The following SNX13 variants were observed in gnomAD, a reference collection of about 807,000 sequenced individuals.
SNX13 encodes the protein sorting nexin-13.
SNX13 carries 45 observed loss-of-function variants against 133.6 expected under a neutral mutation model. The observed-to-expected ratio is 0.34, with a 90% CI of 0.27 to 0.43. The LOEUF (loss-of-function observed/expected upper bound fraction) is 0.43. SNX13 is among the 20% of genes least tolerant of loss of function. The pLI is 1.00. For synonymous variants in SNX13, 414 were observed against 373.9 expected (o/e 1.11, Z -1.24); for missense variants, 1,032 against 1,145.1 (o/e 0.90, Z 1.43).
At chr7:17,850,598 G>C (rs1791090300) in intron 10 of SNX13, among the ~76,000 whole-genome samples, 163 bp from the exon 11 acceptor site, 1 of 152,066 alleles carries the variant, frequency 6.6e-6, no homozygotes, top group South Asian at 2.1e-4. Context: ...TTAATTAAAA[G>C]TAAACCATGC....
At chr7:17,916,260 G>T (rs749434188) in intron 1 of SNX13, among the ~76,000 whole-genome samples, 4 of 151,948 alleles carry the variant, frequency 2.6e-5, no homozygotes, top group African/African-American at 9.7e-5. Flanking sequence ...CTCCAAAAAC[G>T]AGCAGAAGAA....
chr7:17,846,931 C>A (rs1187433981), intron 11 of SNX13, among the ~76,000 whole-genome samples: 1 of 152,088 alleles, frequency 6.6e-6, no homozygotes, highest in East Asian at 1.9e-4. Context: ...ACTGCAAATC[C>A]GTGGGGATTC....
At chr7:17,832,081 A>C in intron 15 of SNX13, 1 of 982,660 alleles carries the variant, frequency 1.0e-6, no homozygotes, top group Non-Finnish European at 1.2e-6. Flanking sequence ...ATAAGTATAT[A>C]ATCTCAAACT....
At chr7:17,881,186 A>G (rs1795294396) in intron 5 of SNX13, 1 of 152,052 alleles carries the variant, frequency 6.6e-6, no homozygotes, top group East Asian at 1.9e-4. Flanking sequence ...AGAATGGTAG[A>G]GTATACTATA....
At chr7:17,814,706 G>A (rs942619649) in intron 20 of SNX13, 128 bp downstream of exon 20, 1 of 698,156 alleles carries the variant, frequency 1.4e-6, no homozygotes, top group African/African-American at 1.9e-5. Flanking sequence ...TGATAAACAT[G>A]CCGAGAACTT....
At chr7:17,907,183 T>C (rs376551735) in intron 1 of SNX13, 9 of 152,178 alleles carry the variant, frequency 5.9e-5, no homozygotes, top group African/African-American at 1.9e-4. Context: ...CAATGATTGA[T>C]TCACTGCCAG....
chr7:17,814,071 G>C (rs1032311340), intron 20 of SNX13, among the ~76,000 whole-genome samples: 1 of 152,124 alleles, frequency 6.6e-6, no homozygotes, highest in African/African-American at 2.4e-5. Flanking sequence ...AATAATACCA[G>C]CTTCCCCCAC....
intron 20 of SNX13, among the ~76,000 whole-genome samples, chr7:17,804,584 T>C (rs1428139201): frequency 6.6e-6 from 1 of 151,902 alleles, no homozygotes; most frequent in Admixed American, 6.6e-5. Context: ...AAAAATGGTA[T>C]AAAATTAAAA....
At chr7:17,911,237 C>G (rs143550350) in intron 1 of SNX13, among the ~76,000 whole-genome samples, 2 of 152,240 alleles carry the variant, frequency 1.3e-5, no homozygotes, top group African/African-American at 4.8e-5. Context: ...GTATCTGTAG[C>G]ACTGAATTTA....
chr7:17,892,816 A>G (rs1796770413), intron 3 of SNX13, among the ~76,000 whole-genome samples: 2 of 152,182 alleles, frequency 1.3e-5, no homozygotes, highest in African/African-American at 4.8e-5. Context: ...TGAAACTTAC[A>G]CAATTCCAAT....
intron 20 of SNX13, among the ~76,000 whole-genome samples, chr7:17,809,462 C>T (rs1350897235): frequency 1.3e-5 from 2 of 152,004 alleles, no homozygotes; most frequent in Non-Finnish European, 2.9e-5. Context: ...TACAGGAGCA[C>T]CCAGTTTCAT....
At chr7:17,926,635 C>T (rs1376446491) in intron 1 of SNX13, among the ~76,000 whole-genome samples, 1 of 152,114 alleles carries the variant, frequency 6.6e-6, no homozygotes, top group Non-Finnish European at 1.5e-5. Flanking sequence ...CCTGTAAATC[C>T]ATCACTTTGG....
At chr7:17,890,550 TA>T in intron 4 of SNX13, 66 bp from the exon 5 acceptor site, 2 of 1,246,344 alleles carry the variant, frequency 1.6e-6, no homozygotes, top group Non-Finnish European at 1.1e-6. Flanking sequence ...AGTGGTAAAC[TA>T]AAAAAGTATG....
At chr7:17,813,670 T>C (rs973733959) in intron 20 of SNX13, among the ~76,000 whole-genome samples, 6 of 151,716 alleles carry the variant, frequency 4.0e-5, no homozygotes, top group African/African-American at 1.5e-4. Flanking sequence ...CACTGAAGCC[T>C]TGGCCTCCCA....
chr7:17,831,762 A>G, intron 15 of SNX13: 2 of 984,048 alleles, frequency 2.0e-6, no homozygotes, highest in Non-Finnish European at 2.4e-6. Flanking sequence ...CTTAATTTTA[A>G]AAGTCAGAAA....
intron 15 of SNX13, chr7:17,831,157 T>G: frequency 1.0e-6 from 1 of 984,366 alleles, no homozygotes; most frequent in Non-Finnish European, 1.2e-6. Flanking sequence ...AAATAGGGCA[T>G]AGTTTATTTT....
intron 11 of SNX13, among the ~76,000 whole-genome samples, chr7:17,846,079 G>C (rs1055005473): frequency 9.9e-5 from 15 of 152,016 alleles, no homozygotes; most frequent in African/African-American, 3.6e-4. Flanking sequence ...CATGTATAAA[G>C]TCTATTTACT....
chr7:17,851,991 C>T (rs890913291), intron 9 of SNX13, among the ~76,000 whole-genome samples: 7 of 152,064 alleles, frequency 4.6e-5, no homozygotes, highest in African/African-American at 1.4e-4. Context: ...AGAAGATTTA[C>T]TTACACAGCA....
chr7:17,935,867 A>G (rs967056750), intron 1 of SNX13, among the ~76,000 whole-genome samples: 1 of 152,244 alleles, frequency 6.6e-6, no homozygotes, highest in Non-Finnish European at 1.5e-5. Flanking sequence ...AATAGCTTAT[A>G]TAGCTTAAAG....
Sources: gnomAD v4.1 joint callset for allele counts (sites outside exome capture counted in the v4.1 genomes callset) on GRCh38, gnomAD v4.1.1 for gene constraint, MANE v1.5 for transcripts, NCBI Gene and HGNC (gene_info 2026-07-23, HGNC 2026-07-21) for gene names.